The following SPTAN1 variants were observed in gnomAD, a reference collection of about 807,000 sequenced individuals.
SPTAN1 encodes the protein spectrin alpha, non-erythrocytic 1.
A neutral mutation model predicts 331.3 loss-of-function variants in SPTAN1; 61 were observed. The observed-to-expected ratio is 0.18, with a 90% CI of 0.15 to 0.23. SPTAN1 has a LOEUF of 0.23. SPTAN1 is among the 10% of genes least tolerant of loss of function. SPTAN1 has a pLI of 1.00. For synonymous variants in SPTAN1, 1,153 were observed against 1,173.9 expected (o/e 0.98, Z 0.36); for missense variants, 2,043 against 3,147.9 (o/e 0.65, Z 8.40).
intron 1 of SPTAN1, chr9:128,553,467 A>T (rs1391811251): frequency 6.6e-6 from 1 of 152,190 alleles, no homozygotes; most frequent in Non-Finnish European, 1.5e-5. Context: ...TCGAGTCGAG[A>T]TACAGTGTCA....
chr9:128,578,052 C>A (rs1335649528), intron 8 of SPTAN1, 58 bp from the exon 9 acceptor site: 3 of 1,602,926 alleles, frequency 1.9e-6, no homozygotes, highest in South Asian at 1.1e-5. Context: ...TTAGGGAGGC[C>A]ATTTTCCACC....
intron 30 of SPTAN1, 41 bp from the exon 31 acceptor site, chr9:128,605,255 A>ACC: frequency 1.2e-6 from 2 of 1,613,836 alleles, no homozygotes; most frequent in Non-Finnish European, 1.7e-6. Context: ...TGCAGAGCAT[A>ACC]CCCCCTTACT....
At position 128,583,982 on chromosome 9, in the gene SPTAN1, G is replaced by A. The variant is rs781751951; in HGVS notation, c.2193+13G>A. ...GGCTGCTCACCAGGTAGTGTGAACT[G>A]GGGGCTGTGGTTGGGCAAGTGAATG... is the stretch of plus-strand genomic sequence containing the variant. On this transcript the variant is annotated intron_variant, in intron 16 of 56. Transcript: ENST00000372739. 9.9e-6 allele frequency: 16 copies of A among 1,614,008 alleles called. No individual in the cohort carries two copies. In the African/African-American group the frequency reaches 2.0e-4, roughly 20 times the overall value.
At position 128,554,107 on chromosome 9, in the gene SPTAN1, A is replaced by G. The variant is rs185624147; in HGVS notation, c.-4+1411A>G. 4.0e-3 allele frequency among the ~76,000 whole-genome samples: 606 copies of G among 152,342 alleles called. 6 individuals are homozygous for G. The highest frequency in any genetic ancestry group is 0.014 in the African/African-American group (565 of 41,568). On this transcript the variant is annotated intron_variant, in intron 1 of 56. Coordinates refer to ENST00000372739, the MANE Select transcript of SPTAN1 (RefSeq NM_001130438.3). The stretch of plus-strand genomic sequence containing the variant: ...CTGCGGAGGAAAAAAAAAGTGCTGC[A>G]GTAAAGGCCTCTGTGCAGGAAATTA...
rs1265592604 is a variant in SPTAN1, at chr9:128,552,609, A to AC, written c.-90dup. ...GCCGCCACTACCCGCTGCGGAGTGA[A>AC]CGGTGTGGAGCGGAGGCCGCGGAGG... On this transcript the variant is annotated 5_prime_UTR_variant, in exon 1 of 57. Coordinates refer to ENST00000372739, the MANE Select transcript of SPTAN1 (RefSeq NM_001130438.3). The surrounding 1 kb of genome is among the most constrained non-coding windows in gnomAD (Gnocchi z 4.6). The AC allele has an allele frequency of 6.6e-6, 1 of 150,996 alleles. No individual in the cohort carries two copies. The highest frequency in any genetic ancestry group is 1.5e-5 in the Non-Finnish European group (1 of 67,652). The allele number at this position is 150,996 out of a possible 1,614,324, so 9.4% of individuals were successfully genotyped here.
At chr9:128,570,606 G>C (rs1850596410) in intron 3 of SPTAN1, among the ~76,000 whole-genome samples, 1 of 151,382 alleles carries the variant, frequency 6.6e-6, no homozygotes, top group Admixed American at 6.6e-5. Context: ...CCGAAGTGCT[G>C]GGATTACAGG....
chr9:128,582,583 T>G lies in SPTAN1; in HGVS notation c.1650+27T>G, dbSNP rs748724744. On this transcript the variant is annotated intron_variant, in intron 13 of 56. Coordinates refer to ENST00000372739, the MANE Select transcript of SPTAN1 (RefSeq NM_001130438.3). ...TAAGTTTGTAGGTTCTTCATGCTCC[T>G]CCTTTTTGGTACATGAATGTCTCTT... 1.9e-6 allele frequency: 3 copies of G among 1,612,362 alleles called. No individual in the cohort carries two copies. In the East Asian group the frequency reaches 6.7e-5, roughly 36 times the overall value.
intron 26 of SPTAN1, 195 bp from the exon 27 acceptor site, chr9:128,599,885 T>C (rs1267013865): frequency 9.5e-6 from 6 of 628,460 alleles, no homozygotes; most frequent in Non-Finnish European, 1.4e-5. Flanking sequence ...CTCTCCCCTG[T>C]TTGTTGGCTT....
chr9:128,609,763 C>G (rs1398295292), intron 37 of SPTAN1, 98 bp downstream of exon 37: 1 of 760,688 alleles, frequency 1.3e-6, no homozygotes, highest in African/African-American at 1.8e-5. Flanking sequence ...ACACGGTTTG[C>G]TGGTGTCTCT....
chr9:128,579,172 C>T (rs1851655213), intron 9 of SPTAN1, among the ~76,000 whole-genome samples: 1 of 152,008 alleles, frequency 6.6e-6, no homozygotes, highest in South Asian at 2.1e-4. Context: ...AAGTGCTCAG[C>T]AGGTATATGT....
rs750065393 is a variant in SPTAN1 at position 128,591,636 on chromosome 9, C to T, written c.3155+11C>T. 1.9e-6 allele frequency: 3 copies of T among 1,613,500 alleles called. No homozygotes were observed. The African/African-American group carries it at 4.0e-5, about 22-fold the overall frequency. Reference sequence around the variant, plus strand: ...GCAGATTGACAATCAGTAAGGATGACACTGGGGGCCGCAAGGGCTAGGCGT... The same window carrying T: ...GCAGATTGACAATCAGTAAGGATGATACTGGGGGCCGCAAGGGCTAGGCGT... On this transcript the variant is annotated intron_variant, in intron 22 of 56. Coordinates refer to ENST00000372739, the MANE Select transcript of SPTAN1 (RefSeq NM_001130438.3).
intron 40 of SPTAN1, among the ~76,000 whole-genome samples, chr9:128,613,879 C>T (rs1431240257): frequency 2.0e-5 from 3 of 152,126 alleles, no homozygotes; most frequent in Middle Eastern, 3.4e-3. Flanking sequence ...GTGGTGGCTG[C>T]CTGTAATCCC....
rs1296784350 is a variant in SPTAN1, at chr9:128,577,928, T to A, written c.1086-182T>A. On this transcript the variant is annotated intron_variant, in intron 8 of 56. Coordinates refer to ENST00000372739, the MANE Select transcript of SPTAN1 (RefSeq NM_001130438.3). The surrounding 1 kb of genome is among the most constrained non-coding windows in gnomAD (Gnocchi z 4.2). Reference sequence around the variant, plus strand: ...GGAGAGAACCTAAGTTTTAAAGGGTTGATTTCAGCCTTCTCTTGCTTTCCT... The same window carrying A: ...GGAGAGAACCTAAGTTTTAAAGGGTAGATTTCAGCCTTCTCTTGCTTTCCT... Among the ~76,000 whole-genome samples the A allele has an allele frequency of 1.3e-5, 2 of 152,234 alleles. No homozygotes were observed. The highest frequency in any genetic ancestry group is 2.9e-5 in the Non-Finnish European group (2 of 68,044).
At chr9:128,599,100 C>T in intron 26 of SPTAN1, 114 bp downstream of exon 26, 1 of 1,002,320 alleles carries the variant, frequency 1.0e-6, no homozygotes, top group South Asian at 1.3e-5. Context: ...CCTCAGATGC[C>T]TTTTGTGTGT....
intron 24 of SPTAN1, among the ~76,000 whole-genome samples, chr9:128,594,772 A>G (rs1266141071): frequency 1.4e-5 from 2 of 142,980 alleles, no homozygotes; most frequent in Non-Finnish European, 3.0e-5. Flanking sequence ...TGGAATGCAA[A>G]TTACATAGAT....
chr9:128,598,294 C>G, intron 24 of SPTAN1, 106 bp from the exon 25 acceptor site: 1 of 830,248 alleles, frequency 1.2e-6, no homozygotes, highest in Non-Finnish European at 1.9e-6. Context: ...TTTGGTAGGC[C>G]TCTGTAGAAG....
chr9:128,605,115 T>C lies in SPTAN1; in HGVS notation c.3801T>C (p.Ser1267=), dbSNP rs751784689. The change falls in exon 30 of 57, where the codon AGT becomes AGC. Residue 1267 remains serine (S), a synonymous_variant. Coordinates refer to ENST00000372739, the MANE Select transcript of SPTAN1 (RefSeq NM_001130438.3). The part of the protein sequence containing the change: ...NTDNYGHDLA[S]VQALQRKHEG... ...ACAATTATGGACATGATCTCGCCAG[T>C]GTCCAGGCCCTGCAACGCAAGCATG... The C allele has an allele frequency of 6.2e-7, 1 of 1,613,856 alleles. No individual in the cohort carries two copies. Among genetic ancestry groups the C allele is most frequent in the Admixed American group, 1.7e-5 (1 of 59,994 alleles).
At chr9:128,605,711 G>T (rs1197447783) in intron 31 of SPTAN1, among the ~76,000 whole-genome samples, 3 of 152,116 alleles carry the variant, frequency 2.0e-5, no homozygotes, top group African/African-American at 4.8e-5. Flanking sequence ...ATCAAAAACG[G>T]CCAGGCACAG....
rs1023156105 is a variant in SPTAN1, at chr9:128,552,945, A to G, written c.-4+249A>G. 1 of 151,824 alleles carries G rather than the reference A, an allele frequency of 6.6e-6. No individual in the cohort carries two copies. The highest frequency in any genetic ancestry group is 1.5e-5 in the Non-Finnish European group (1 of 67,976). The allele number at this position is 151,824 out of a possible 1,614,324, so 9.4% of individuals were successfully genotyped here. A position where few individuals can be genotyped will look rare whatever the true frequency, so the allele number is the denominator to read the frequency against. On this transcript the variant is annotated intron_variant, in intron 1 of 56. Transcript: ENST00000372739. This position sits in a 1 kb window ranked among gnomAD's most constrained non-coding sequence, Gnocchi z 4.6. Reference sequence around the variant, plus strand: ...CCGCTGGAATGTCACTGACGGGGGGAGGGGGCGCGAGGCCGCCGGGTCCCT... The same window carrying G: ...CCGCTGGAATGTCACTGACGGGGGGGGGGGGCGCGAGGCCGCCGGGTCCCT...
Sources: allele counts gnomAD v4.1 joint callset (sites outside exome capture counted in the v4.1 genomes callset), GRCh38; gene constraint gnomAD v4.1.1; non-coding constraint Gnocchi (gnomAD v3.1); transcripts MANE v1.5; gene names NCBI Gene and HGNC (gene_info 2026-07-23, HGNC 2026-07-21).